Variants in KLRD1 observed in about 807,000 individuals in gnomAD.
The protein encoded by KLRD1 is killer cell lectin like receptor D1.
KLRD1 carries 21 observed loss-of-function variants against 22.6 expected under a neutral mutation model. The ratio of observed to expected loss-of-function variants is 0.93; its 90% CI spans 0.66 to 1.34. The LOEUF is 1.34. Ranked by LOEUF, KLRD1 falls within the 40% of genes most tolerant of loss-of-function variation. The probability of loss-of-function intolerance (pLI) is 0.00; values close to 1 mark genes in which losing one functional copy is unlikely to be tolerated. For synonymous variants in KLRD1, 59 were observed against 71.1 expected (o/e 0.83, Z 0.85); for missense variants, 183 against 208.6 (o/e 0.88, Z 0.76).
intron 1 of KLRD1, among the ~76,000 whole-genome samples, chr12:10,245,405 A>T (rs555358632): frequency 1.3e-5 from 2 of 152,298 alleles, no homozygotes; most frequent in East Asian, 1.9e-4. Context: ...GAAAAGCTCA[A>T]TTCCGCCTAG....
At chr12:10,313,605 G>T in intron 5 of KLRD1, 92 bp downstream of exon 5, 2 of 634,174 alleles carry the variant, frequency 3.2e-6, no homozygotes, top group Non-Finnish European at 5.4e-6. Context: ...CACTGTGGCT[G>T]AAATAACCTT....
rs916565126 is a variant in KLRD1, at chr12:10,328,705, T to C, written c.*13912T>C. On this transcript the variant is annotated 3_prime_UTR_variant, in exon 6 of 6. Transcript: ENST00000336164. The stretch of plus-strand genomic sequence containing the variant: ...AATTTGAACTTTGTTTGTTCTTTTC[T>C]ACATTTCTAGTTGCTTGGGATATGT... 6.6e-6 allele frequency: 1 copy of C among 152,198 alleles called. No individual in the cohort carries two copies. Among genetic ancestry groups the C allele is most frequent in the African/African-American group, 2.4e-5 (1 of 41,456 alleles). 9.4% of individuals were successfully genotyped at this position (152,198 alleles called of 1,614,324 possible). A position where few individuals can be genotyped will look rare whatever the true frequency, so the allele number is the denominator to read the frequency against.
At chr12:10,310,277 G>A (rs1048700342) in intron 3 of KLRD1, among the ~76,000 whole-genome samples, 2 of 152,082 alleles carry the variant, frequency 1.3e-5, no homozygotes, top group Non-Finnish European at 2.9e-5. Context: ...CCGCCACCAT[G>A]CCCAGCTAAT....
chr12:10,282,503 T>C (rs2927557), intron 1 of KLRD1, among the ~76,000 whole-genome samples: 148,840 of 152,168 alleles, frequency 0.98, 72,870 homozygotes, highest in East Asian at 1. Context: ...ATGATCCGCC[T>C]GCCTCAGCCT....
chr12:10,315,048 T>G lies in KLRD1; in HGVS notation c.*255T>G, dbSNP rs972018366. 5.4e-5 allele frequency: 16 copies of G among 295,452 alleles called. No individual in the cohort carries two copies. The highest frequency in any genetic ancestry group is 3.6e-4 in the African/African-American group (16 of 44,508). 18.3% of individuals were successfully genotyped at this position (295,452 alleles called of 1,614,324 possible). ...TTTAATGTATATATTTAATGTTAAA[T>G]TCAATGTAGTTTTATTACACATTTA... On this transcript the variant is annotated 3_prime_UTR_variant, in exon 6 of 6. Coordinates refer to ENST00000336164, the MANE Select transcript of KLRD1 (RefSeq NM_002262.5).
At chr12:10,261,169 AG>A (rs1004647572) in intron 1 of KLRD1, among the ~76,000 whole-genome samples, 6 of 152,194 alleles carry the variant, frequency 3.9e-5, no homozygotes, top group African/African-American at 1.2e-4. Context: ...CTCTGTTGAA[AG>A]TTATTCAAAG....
At chr12:10,312,756 G>C (rs940353392) in intron 4 of KLRD1, among the ~76,000 whole-genome samples, 7 of 151,160 alleles carry the variant, frequency 4.6e-5, no homozygotes, top group African/African-American at 1.7e-4. Context: ...TTGGGAGGCC[G>C]AGGAGGGCGG....
intron 1 of KLRD1, among the ~76,000 whole-genome samples, chr12:10,239,719 G>A (rs7953224): frequency 0.024 from 3,696 of 151,254 alleles, 156 homozygotes; most frequent in African/African-American, 0.085. Flanking sequence ...TCAGTTCACT[G>A]TAACCTCCAC....
chr12:10,263,354 T>C (rs1949471226), intron 1 of KLRD1, among the ~76,000 whole-genome samples: 1 of 152,020 alleles, frequency 6.6e-6, no homozygotes, highest in Admixed American at 6.5e-5. Context: ...GTACTTTTTC[T>C]AACCAGTTAT....
At chr12:10,277,366 G>T (rs1592050238) in intron 1 of KLRD1, among the ~76,000 whole-genome samples, 1 of 152,114 alleles carries the variant, frequency 6.6e-6, no homozygotes, top group East Asian at 1.9e-4. Flanking sequence ...CTATTTGATA[G>T]TCATTTTAAT....
intron 1 of KLRD1, among the ~76,000 whole-genome samples, chr12:10,242,357 G>A (rs1423903928): frequency 1.3e-5 from 2 of 151,970 alleles, no homozygotes; most frequent in African/African-American, 4.8e-5. Flanking sequence ...TACACAAAGC[G>A]ATCTTCACTT....
intron 4 of KLRD1, among the ~76,000 whole-genome samples, chr12:10,311,986 C>A (rs1266730480): frequency 6.6e-6 from 1 of 151,232 alleles, no homozygotes; most frequent in East Asian, 1.9e-4. Flanking sequence ...TAGTTTTTGT[C>A]ATCTTTCTGG....
intron 1 of KLRD1, among the ~76,000 whole-genome samples, chr12:10,254,117 T>C (rs1208347222): frequency 6.6e-6 from 1 of 152,068 alleles, no homozygotes; most frequent in Admixed American, 6.5e-5. Flanking sequence ...CTTAAGAGCT[T>C]CTGGACAGCA....
At chr12:10,301,968 T>C (rs1275007078), upstream of KLRD1, among the ~76,000 whole-genome samples, 1 of 152,134 alleles carries the variant, frequency 6.6e-6, no homozygotes, top group African/African-American at 2.4e-5. Flanking sequence ...GAACAGCTGG[T>C]CAGTGGAGCA....
chr12:10,293,515 A>G (rs1043681771), intron 1 of KLRD1, among the ~76,000 whole-genome samples: 1 of 152,154 alleles, frequency 6.6e-6, no homozygotes, highest in African/African-American at 2.4e-5. Context: ...ACATTCATCA[A>G]TTAATTTCAT....
At chr12:10,308,320 C>A in intron 1 of KLRD1, 1 of 504,630 alleles carries the variant, frequency 2.0e-6, no homozygotes, top group Non-Finnish European at 3.6e-6. Flanking sequence ...TCTGACAGGG[C>A]TACCTTTAAA....
intron 1 of KLRD1, among the ~76,000 whole-genome samples, chr12:10,299,280 G>A (rs1050300516): frequency 2.6e-5 from 4 of 151,912 alleles, no homozygotes; most frequent in Admixed American, 1.3e-4. Flanking sequence ...GTATCTAGAT[G>A]AAGTTAAATA....
At chr12:10,301,717 C>G (rs1361183709), upstream of KLRD1, among the ~76,000 whole-genome samples, 2 of 152,114 alleles carry the variant, frequency 1.3e-5, no homozygotes, top group Non-Finnish European at 2.9e-5. Context: ...TTTAAAATTG[C>G]CTTCTAAGAC....
chr12:10,263,941 C>G (rs556499648), intron 1 of KLRD1, among the ~76,000 whole-genome samples: 1 of 152,146 alleles, frequency 6.6e-6, no homozygotes, highest in South Asian at 2.1e-4. Flanking sequence ...AATATATTCT[C>G]ATAGGATGGA....
Sources: gnomAD v4.1 joint callset for allele counts (sites outside exome capture counted in the v4.1 genomes callset) on GRCh38, gnomAD v4.1.1 for gene constraint, MANE v1.5 for transcripts, NCBI Gene and HGNC (gene_info 2026-07-23, HGNC 2026-07-21) for gene names.